AUTS2: variants seen among roughly 807,000 people sequenced by gnomAD.
AUTS2 encodes activator of transcription and developmental regulator AUTS2.
A neutral mutation model predicts 112.4 loss-of-function variants in AUTS2; 17 were observed. The observed-to-expected ratio is 0.15, with a 90% CI of 0.10 to 0.23. The LOEUF (loss-of-function observed/expected upper bound fraction) is 0.23. Ranked by LOEUF, AUTS2 falls within the 10% of genes least tolerant of loss-of-function variation. AUTS2 has a pLI of 1.00. For missense variants in AUTS2, 1,510 were observed against 1,701.6 expected (o/e 0.89, Z 1.98); for synonymous variants, 751 against 702.7 (o/e 1.07, Z -1.09).
chr7:70,786,880 CCTTCTGCATGCCTGGAA>C (rs1260665603), intron 17 of AUTS2: 1 of 400,372 alleles, frequency 2.5e-6, no homozygotes, highest in African/African-American at 2.1e-5. Context: ...CATAACACAC[CCTTCTGCATGCCTGGAA>C]CTTCTGCATG....
At chr7:70,346,099 T>C (rs1417107758) in intron 4 of AUTS2, among the ~76,000 whole-genome samples, 1 of 152,172 alleles carries the variant, frequency 6.6e-6, no homozygotes, top group South Asian at 2.1e-4. Context: ...GATCTGCTTT[T>C]CCAAAAACTA....
At chr7:69,824,898 A>T (rs1791173366) in intron 1 of AUTS2, among the ~76,000 whole-genome samples, 1 of 152,180 alleles carries the variant, frequency 6.6e-6, no homozygotes, top group Non-Finnish European at 1.5e-5. Flanking sequence ...GCGCAATAAG[A>T]CTTTTAATGA....
At chr7:70,099,508 T>G (rs1474423066) in intron 2 of AUTS2, among the ~76,000 whole-genome samples, 1 of 152,086 alleles carries the variant, frequency 6.6e-6, no homozygotes, top group East Asian at 1.9e-4. Flanking sequence ...ATTTTTTTTT[T>G]TTTTGGCTCC....
intron 1 of AUTS2, among the ~76,000 whole-genome samples, chr7:69,787,094 C>G (rs1294376576): frequency 2.0e-5 from 3 of 152,184 alleles, no homozygotes; most frequent in African/African-American, 7.2e-5. Flanking sequence ...AGCATTTGAT[C>G]CAATTATGTT....
intron 2 of AUTS2, among the ~76,000 whole-genome samples, chr7:70,085,369 CTTT>C (rs200850139): frequency 7.0e-6 from 1 of 142,226 alleles, no homozygotes. Flanking sequence ...TTTTTGCATA[CTTT>C]TTTTTTTTTT....
chr7:70,337,472 TGG>T (rs1345605702), intron 4 of AUTS2, among the ~76,000 whole-genome samples: 11 of 152,220 alleles, frequency 7.2e-5, no homozygotes, highest in African/African-American at 2.7e-4. Context: ...TCTTACGTTC[TGG>T]AATATTACTT....
chr7:69,716,199 T>C lies in AUTS2; in HGVS notation c.309+116237T>C, dbSNP rs546150037. 1.1e-4 allele frequency among the ~76,000 whole-genome samples: 16 copies of C among 152,242 alleles called. No homozygotes were observed. The South Asian group carries it at 3.3e-3, about 32-fold the overall frequency. On this transcript the variant is annotated intron_variant, in intron 1 of 18. Coordinates refer to ENST00000342771, the MANE Select transcript of AUTS2 (RefSeq NM_015570.4). ...AAAGCTCTTTGAAATGTATAGGTTT[T>C]CAGATACTCTGTGTGTCTGTGTGTG...
intron 3 of AUTS2, among the ~76,000 whole-genome samples, chr7:70,129,900 A>AG (rs1562722530): frequency 7.1e-6 from 1 of 141,560 alleles, no homozygotes; most frequent in Non-Finnish European, 1.5e-5. Flanking sequence ...ATATATATAT[A>AG]TTGTGTGTGT....
chr7:69,871,153 C>G (rs1015590302), intron 1 of AUTS2, among the ~76,000 whole-genome samples: 24 of 152,272 alleles, frequency 1.6e-4, no homozygotes, highest in African/African-American at 5.3e-4. Flanking sequence ...CTGTCTTTCC[C>G]TTTCCTCCTG....
At chr7:70,022,145 G>A (rs1230341133) in intron 2 of AUTS2, among the ~76,000 whole-genome samples, 1 of 149,344 alleles carries the variant, frequency 6.7e-6, no homozygotes. Flanking sequence ...GTCATAATTG[G>A]CAAAAACATC....
chr7:69,759,099 T>C (rs1788058705), intron 1 of AUTS2, among the ~76,000 whole-genome samples: 1 of 152,214 alleles, frequency 6.6e-6, no homozygotes, highest in Admixed American at 6.5e-5. Flanking sequence ...CTCCATTTGG[T>C]GGATAAGAAA....
At chr7:69,747,706 C>T (rs549523648) in intron 1 of AUTS2, among the ~76,000 whole-genome samples, 22 of 151,894 alleles carry the variant, frequency 1.4e-4, no homozygotes, top group African/African-American at 3.6e-4. Flanking sequence ...GATTGGCTCT[C>T]CCACAGTTTT....
intron 1 of AUTS2, among the ~76,000 whole-genome samples, chr7:69,755,188 A>G (rs1042782435): frequency 6.6e-6 from 1 of 152,188 alleles, no homozygotes; most frequent in Non-Finnish European, 1.5e-5. Context: ...ATCGAGAACA[A>G]GAATTTTCCA....
Position 69,996,884 on chromosome 7 carries a change from C to T in AUTS2, c.522+97386C>T, listed in dbSNP as rs902698005. ...CCACTCCAGACCTACTAAATCTGGG[C>T]GTTAGAATCTCAATCTTGGGTTTTC... On this transcript the variant is annotated intron_variant, in intron 2 of 18. Transcript: ENST00000342771. 6.1e-5 allele frequency among the ~76,000 whole-genome samples: 9 copies of T among 146,922 alleles called. No homozygotes were observed. The South Asian group carries it at 6.5e-4, about 11-fold the overall frequency.
chr7:69,714,435 A>C (rs1798502692), intron 1 of AUTS2, among the ~76,000 whole-genome samples: 3 of 152,028 alleles, frequency 2.0e-5, no homozygotes, highest in African/African-American at 4.8e-5. Flanking sequence ...TAGGTATCTA[A>C]TTATGTCAGC....
chr7:70,003,357 T>C (rs796297622), intron 2 of AUTS2, among the ~76,000 whole-genome samples: 1 of 128,798 alleles, frequency 7.8e-6, no homozygotes, highest in South Asian at 2.2e-4. Context: ...ATATGTTATA[T>C]ATGAATATAT....
At chr7:70,271,970 C>T (rs997708270) in intron 4 of AUTS2, among the ~76,000 whole-genome samples, 12 of 152,180 alleles carry the variant, frequency 7.9e-5, no homozygotes, top group Admixed American at 3.9e-4. Flanking sequence ...CAAGGCCCAA[C>T]GCCCTAATCT....
rs183488175 is a variant in AUTS2, at chr7:70,335,101, T to C, written c.661-100651T>C. 6.6e-5 allele frequency among the ~76,000 whole-genome samples: 10 copies of C among 152,278 alleles called. No individual in the cohort carries two copies. In the East Asian group the frequency reaches 1.9e-3, roughly 29 times the overall value. ...CAGAATTCAAAGTTGTTATGATGTGTGGGCTTTGAAAATGCCACACGTCAG... is the reference window on the plus strand; with the variant it reads ...CAGAATTCAAAGTTGTTATGATGTGCGGGCTTTGAAAATGCCACACGTCAG... On this transcript the variant is annotated intron_variant, in intron 4 of 18. Coordinates refer to ENST00000342771, the MANE Select transcript of AUTS2 (RefSeq NM_015570.4).
At chr7:70,431,630 C>T (rs1476959272) in intron 4 of AUTS2, among the ~76,000 whole-genome samples, 2 of 152,196 alleles carry the variant, frequency 1.3e-5, no homozygotes, top group South Asian at 2.1e-4. Flanking sequence ...ATGATCCACC[C>T]GCCTTCAGCC....
Sources: allele counts gnomAD v4.1 joint callset (sites outside exome capture counted in the v4.1 genomes callset), GRCh38; gene constraint gnomAD v4.1.1; transcripts MANE v1.5; gene names NCBI Gene and HGNC (gene_info 2026-07-23, HGNC 2026-07-21).